The following ELP2 variants were observed in gnomAD, a reference collection of about 807,000 sequenced individuals.
ELP2 encodes elongator acetyltransferase complex subunit 2.
In ELP2, 90 loss-of-function variants were observed where a neutral mutation model predicts 119.2. That is an observed-to-expected ratio of 0.75 (90% CI 0.64 to 0.90). The LOEUF (loss-of-function observed/expected upper bound fraction) is 0.90. Ranked by LOEUF, ELP2 falls within the 40% of genes least tolerant of loss-of-function variation. ELP2 has a pLI of 0.00. For missense variants in ELP2, 921 were observed against 967.8 expected (o/e 0.95, Z 0.64); for synonymous variants, 339 against 331.0 (o/e 1.02, Z -0.26).
At chr18:36,151,365 G>C (rs920944319) in intron 11 of ELP2, among the ~76,000 whole-genome samples, 1 of 151,998 alleles carries the variant, frequency 6.6e-6, no homozygotes, top group Non-Finnish European at 1.5e-5. Flanking sequence ...TTATAGGTGT[G>C]AGCCACCCTG....
intron 14 of ELP2, 139 bp from the exon 15 acceptor site, chr18:36,159,596 C>T (rs1052161413): frequency 4.2e-6 from 3 of 719,178 alleles, no homozygotes; most frequent in African/African-American, 3.4e-5. Flanking sequence ...ATACTCTTGC[C>T]TTTGGAATCA....
rs539901212 is a variant in ELP2 at position 36,158,790 on chromosome 18, A to G, written c.1465-45A>G. ...ACTTTTAGTTTTAAAATTAGCAAAT[A>G]AAACTTTAGCATTTATAACTTAGAT... On this transcript the variant is annotated intron_variant, in intron 13 of 21. Coordinates refer to ENST00000358232, the MANE Select transcript of ELP2 (RefSeq NM_018255.4). The G allele has an allele frequency of 2.2e-6, 3 of 1,350,822 alleles. No individual in the cohort carries two copies. The South Asian group carries it at 3.6e-5, about 16-fold the overall frequency. 83.7% of individuals were successfully genotyped at this position (1,350,822 alleles called of 1,614,324 possible).
At chr18:36,156,096 A>G (rs1219777407) in intron 12 of ELP2, among the ~76,000 whole-genome samples, 1 of 152,202 alleles carries the variant, frequency 6.6e-6, no homozygotes, top group African/African-American at 2.4e-5. Context: ...GTGGTAGAGA[A>G]AATCAGGATC....
chr18:36,145,854 C>G, intron 9 of ELP2, 94 bp from the exon 10 acceptor site: 1 of 1,016,996 alleles, frequency 9.8e-7, no homozygotes, highest in Non-Finnish European at 1.6e-6. Context: ...CAGTGAACAT[C>G]CTTGCAGTAC....
chr18:36,162,183 G>A (rs1181617004), intron 17 of ELP2, among the ~76,000 whole-genome samples: 1 of 152,064 alleles, frequency 6.6e-6, no homozygotes, highest in African/African-American at 2.4e-5. Context: ...AACATTGTCT[G>A]TGCTCTTTGG....
Position 36,161,979 on chromosome 18 carries a change from AT to A in ELP2, c.1761+983del, listed in dbSNP as rs143146235. ...TAGGGCACTGTCAATCCTGTAATTG[AT>A]TTTTTTTCCCCCTTTTTAAGTTGAT... On this transcript the variant is annotated intron_variant, in intron 17 of 21. Transcript: ENST00000358232. Among the ~76,000 whole-genome samples, 143 of 152,034 alleles carry A rather than the reference AT, an allele frequency of 9.4e-4. 1 individual carries two copies. The highest frequency in any genetic ancestry group is 3.1e-3 in the African/African-American group (130 of 41,478).
At chr18:36,159,282 T>G (rs2090660745) in intron 14 of ELP2, among the ~76,000 whole-genome samples, 2 of 152,220 alleles carry the variant, frequency 1.3e-5, no homozygotes, top group South Asian at 4.2e-4. Context: ...CCAGCTAATT[T>G]TTGTATTTTT....
At chr18:36,162,237 C>A (rs901789671) in intron 17 of ELP2, among the ~76,000 whole-genome samples, 1 of 152,156 alleles carries the variant, frequency 6.6e-6, no homozygotes, top group African/African-American at 2.4e-5. Flanking sequence ...CTGCCTCCAT[C>A]CCTAGGAAAC....
intron 11 of ELP2, among the ~76,000 whole-genome samples, chr18:36,148,788 A>G (rs1031586013): frequency 6.6e-6 from 1 of 152,048 alleles, no homozygotes; most frequent in Non-Finnish European, 1.5e-5. Context: ...ACGCAGGAGG[A>G]TTGTGTGAGC....
chr18:36,146,158 G>C, intron 10 of ELP2, 92 bp from the exon 11 acceptor site: 1 of 1,582,008 alleles, frequency 6.3e-7, no homozygotes, highest in South Asian at 1.1e-5. Flanking sequence ...CATTAAAATA[G>C]TGGGAATTTA....
chr18:36,129,963 C>A lies in ELP2; in HGVS notation c.30C>A (p.His10Gln). The stretch of plus-strand genomic sequence containing the variant: ...TGGCACCCGTGCTGGAGACTTCTCA[C>A]GTGTTTTGCTGCCCAAACCGGGTGC... MVAPVLETSHVFCCPNRVRG... is the reference protein window; with the variant it reads MVAPVLETSQVFCCPNRVRG... Residue 10 changes from histidine (H) to glutamine (Q), a missense_variant, in exon 1 of 22, where the codon CAC becomes CAA. Physicochemically the swap from His to Gln is conservative, Grantham distance 24. Transcript: ENST00000358232. 6.2e-7 allele frequency: 1 copy of A among 1,614,230 alleles called. No individual in the cohort carries two copies. Among genetic ancestry groups the A allele is most frequent in the Non-Finnish European group, 8.5e-7 (1 of 1,180,048 alleles).
intron 3 of ELP2, chr18:36,136,612 G>C (rs1439704206): frequency 7.9e-6 from 4 of 507,000 alleles, no homozygotes; most frequent in Middle Eastern, 1.1e-3. Context: ...GCTGGTCTCA[G>C]AAATGACTTT....
intron 11 of ELP2, among the ~76,000 whole-genome samples, chr18:36,149,903 T>C (rs566008125): frequency 6.6e-6 from 1 of 152,294 alleles, no homozygotes; most frequent in Middle Eastern, 3.4e-3. Flanking sequence ...GGAGGAGATA[T>C]CTCTACCCAT....
At chr18:36,135,876 A>G (rs2089805346) in intron 2 of ELP2, among the ~76,000 whole-genome samples, 1 of 152,210 alleles carries the variant, frequency 6.6e-6, no homozygotes, top group African/African-American at 2.4e-5. Context: ...TTGATATCCA[A>G]ATGTTGAGTG....
intron 21 of ELP2, 74 bp from the exon 22 acceptor site, chr18:36,174,411 C>A: frequency 7.0e-7 from 1 of 1,435,828 alleles, no homozygotes; most frequent in South Asian, 1.2e-5. Flanking sequence ...TTTCAATTTT[C>A]AGGTTTTAAC....
intron 8 of ELP2, among the ~76,000 whole-genome samples, chr18:36,144,684 A>G (rs1669025321): frequency 6.6e-6 from 1 of 152,256 alleles, no homozygotes; most frequent in Non-Finnish European, 1.5e-5. Flanking sequence ...TTGTAAAAAT[A>G]TAAGATATTC....
chr18:36,136,981 A>T (rs1342337734), intron 3 of ELP2, among the ~76,000 whole-genome samples: 5 of 151,288 alleles, frequency 3.3e-5, no homozygotes, highest in Non-Finnish European at 7.4e-5. Flanking sequence ...TATTTTCAAT[A>T]GATTTAGTTT....
At chr18:36,146,529 G>T in intron 11 of ELP2, 148 bp downstream of exon 11, 3 of 833,832 alleles carry the variant, frequency 3.6e-6, no homozygotes, top group South Asian at 1.6e-5. Flanking sequence ...CATTGTTAAG[G>T]TATTGAAATT....
At position 36,149,711 on chromosome 18, in the gene ELP2, T is replaced by C. The variant is rs573442976; in HGVS notation, c.1125+3330T>C. ...ATACCAGCATCCTCCCCAACCCCCT[T>C]CCCCATATCAACAAGAAAAACAAAA... On this transcript the variant is annotated intron_variant, in intron 11 of 21. Coordinates refer to ENST00000358232, the MANE Select transcript of ELP2 (RefSeq NM_018255.4). Among the ~76,000 whole-genome samples the C allele has an allele frequency of 2.0e-5, 3 of 151,986 alleles. No homozygotes were observed. The East Asian group carries it at 5.8e-4, about 29-fold the overall frequency.
Sources: gnomAD v4.1 joint callset for allele counts (sites outside exome capture counted in the v4.1 genomes callset) on GRCh38, gnomAD v4.1.1 for gene constraint, MANE v1.5 for transcripts, NCBI Gene and HGNC (gene_info 2026-07-23, HGNC 2026-07-21) for gene names.